The following SNTB1 variants were observed in gnomAD, a reference collection of about 807,000 sequenced individuals.
SNTB1 encodes the protein beta-1-syntrophin.
SNTB1 carries 36 observed loss-of-function variants against 48.9 expected under a neutral mutation model. The ratio of observed to expected loss-of-function variants is 0.74; its 90% CI spans 0.56 to 0.97. The LOEUF is 0.97. Among genes scored for constraint, SNTB1 ranks in the 50% least tolerant of loss-of-function variants. SNTB1 has a pLI of 0.00. For synonymous variants in SNTB1, 299 were observed against 294.6 expected (o/e 1.01, Z -0.15); for missense variants, 786 against 703.4 (o/e 1.12, Z -1.33).
At chr8:120,605,786 T>C (rs925266599) in intron 3 of SNTB1, among the ~76,000 whole-genome samples, 1 of 152,190 alleles carries the variant, frequency 6.6e-6, no homozygotes, top group African/African-American at 2.4e-5. Flanking sequence ...AATTATGCTT[T>C]AGGGAAGTCA....
chr8:120,712,666 C>G lies in SNTB1; in HGVS notation c.572-18758G>C, dbSNP rs115654915. 3.7e-3 allele frequency among the ~76,000 whole-genome samples: 569 copies of G among 152,190 alleles called. 4 individuals carry two copies. The highest frequency in any genetic ancestry group is 0.013 in the African/African-American group (542 of 41,520). On this transcript the variant is annotated intron_variant, in intron 1 of 6. Transcript: ENST00000517992. ...TAATAACATGGTAAACTTATTAATA[C>G]CACAGGGGCTTTTATTTACCCTTTA... is the stretch of plus-strand genomic sequence containing the variant.
chr8:120,787,494 G>A (rs1334057709), intron 1 of SNTB1, among the ~76,000 whole-genome samples: 1 of 151,810 alleles, frequency 6.6e-6, no homozygotes, highest in East Asian at 1.9e-4. Flanking sequence ...AACAATTCAG[G>A]ATATGAATGA....
chr8:120,752,657 A>G (rs952864592), intron 1 of SNTB1, among the ~76,000 whole-genome samples: 2 of 152,200 alleles, frequency 1.3e-5, no homozygotes, highest in African/African-American at 4.8e-5. Flanking sequence ...TTGTAGCAAC[A>G]TGGATGCAGC....
At chr8:120,691,528 A>C (rs987978008) in intron 2 of SNTB1, among the ~76,000 whole-genome samples, 1 of 152,174 alleles carries the variant, frequency 6.6e-6, no homozygotes, top group Non-Finnish European at 1.5e-5. Context: ...CCATAGTAGA[A>C]GGTAATAGAA....
intron 1 of SNTB1, among the ~76,000 whole-genome samples, chr8:120,704,070 T>A (rs1199169525): frequency 1.3e-5 from 2 of 152,204 alleles, no homozygotes; most frequent in Non-Finnish European, 2.9e-5. Context: ...TTTTCTTGCA[T>A]CCTGGATGCT....
intron 1 of SNTB1, among the ~76,000 whole-genome samples, chr8:120,718,449 C>T (rs1818599896): frequency 6.6e-6 from 1 of 152,246 alleles, no homozygotes; most frequent in African/African-American, 2.4e-5. Context: ...TCCCCCTGGT[C>T]TCCTACCAAC....
chr8:120,724,948 G>T (rs1418092083), intron 1 of SNTB1, among the ~76,000 whole-genome samples: 4 of 152,212 alleles, frequency 2.6e-5, no homozygotes, highest in Admixed American at 2.6e-4. Context: ...CTGCTCATGG[G>T]ATTCCATGGC....
chr8:120,551,254 CAAAAAAA>C (rs11304538), intron 4 of SNTB1, among the ~76,000 whole-genome samples: 2 of 80,676 alleles, frequency 2.5e-5, no homozygotes, highest in Admixed American at 2.9e-4. Flanking sequence ...GACTCCATCT[CAAAAAAA>C]AAAAAAAAAA....
intron 2 of SNTB1, among the ~76,000 whole-genome samples, chr8:120,678,566 A>G (rs527878200): frequency 6.6e-6 from 1 of 152,336 alleles, no homozygotes; most frequent in South Asian, 2.1e-4. Flanking sequence ...GGCTAAAAGA[A>G]ATCTTTATCA....
At chr8:120,778,476 A>G (rs1243267406) in intron 1 of SNTB1, among the ~76,000 whole-genome samples, 1 of 152,216 alleles carries the variant, frequency 6.6e-6, no homozygotes, top group Non-Finnish European at 1.5e-5. Flanking sequence ...CATTTCTGCA[A>G]ACTTTTCATT....
At chr8:120,785,694 T>C (rs971094501) in intron 1 of SNTB1, among the ~76,000 whole-genome samples, 3 of 149,620 alleles carry the variant, frequency 2.0e-5, no homozygotes, top group East Asian at 2.0e-4. Context: ...GGGTGCTCCA[T>C]GGCCCCGCCC....
chr8:120,725,631 C>T (rs1167329601), intron 1 of SNTB1, among the ~76,000 whole-genome samples: 1 of 152,092 alleles, frequency 6.6e-6, no homozygotes, highest in Non-Finnish European at 1.5e-5. Flanking sequence ...TAATTTTGCA[C>T]CAACCTAATA....
intron 1 of SNTB1, among the ~76,000 whole-genome samples, chr8:120,724,913 G>A (rs1431209414): frequency 2.6e-5 from 4 of 152,194 alleles, no homozygotes; most frequent in Non-Finnish European, 4.4e-5. Flanking sequence ...GGGTAGGGGA[G>A]TACAAGCAAT....
intron 3 of SNTB1, among the ~76,000 whole-genome samples, 160 bp downstream of exon 3, chr8:120,632,284 T>C (rs1261271731): frequency 1.3e-5 from 2 of 152,090 alleles, no homozygotes; most frequent in African/African-American, 4.8e-5. Context: ...ACAAAACCCA[T>C]GTATAATGTA....
At chr8:120,703,021 A>G (rs1818330837) in intron 1 of SNTB1, among the ~76,000 whole-genome samples, 3 of 152,244 alleles carry the variant, frequency 2.0e-5, no homozygotes, top group Non-Finnish European at 2.9e-5. Context: ...GTCAGAAAAA[A>G]TAAAAACTCA....
rs143226810 is a variant in SNTB1 at position 120,712,746 on chromosome 8, C to A, written c.572-18838G>T. Among the ~76,000 whole-genome samples the A allele has an allele frequency of 8.3e-3, 1,256 of 152,186 alleles. 21 individuals are homozygous for A. The highest frequency in any genetic ancestry group is 0.029 in the African/African-American group (1,208 of 41,504). ...TCATTCAGTGATAGTTCATAGGCAA[C>A]TATGAACTGTCCATGAATGATCAGA... On this transcript the variant is annotated intron_variant, in intron 1 of 6. Transcript: ENST00000517992.
chr8:120,611,964 C>T (rs1048585173), intron 3 of SNTB1, among the ~76,000 whole-genome samples: 4 of 151,872 alleles, frequency 2.6e-5, no homozygotes, highest in Admixed American at 1.3e-4. Context: ...ACTTCAAGAT[C>T]GGCTCACATG....
chr8:120,653,037 G>A (rs1474816071), intron 2 of SNTB1, among the ~76,000 whole-genome samples: 1 of 152,142 alleles, frequency 6.6e-6, no homozygotes, highest in Non-Finnish European at 1.5e-5. Flanking sequence ...CTGATGAGGT[G>A]TCTGGCGTGT....
At chr8:120,809,849 A>C (rs1342792450) in intron 1 of SNTB1, among the ~76,000 whole-genome samples, 1 of 152,198 alleles carries the variant, frequency 6.6e-6, no homozygotes, top group Non-Finnish European at 1.5e-5. Flanking sequence ...CAAATCCTCT[A>C]GACAAACAAG....
Sources: allele counts gnomAD v4.1 joint callset (sites outside exome capture counted in the v4.1 genomes callset), GRCh38; gene constraint gnomAD v4.1.1; transcripts MANE v1.5; gene names NCBI Gene and HGNC (gene_info 2026-07-23, HGNC 2026-07-21).